Variants in FGF18 observed in about 807,000 individuals in gnomAD.
The protein encoded by FGF18 is fibroblast growth factor 18.
FGF18 carries 5 observed loss-of-function variants against 23.0 expected under a neutral mutation model. The observed-to-expected ratio is 0.22, with a 90% confidence interval of 0.11 to 0.46. The LOEUF is 0.46. Ranked by LOEUF, FGF18 falls within the 20% of genes least tolerant of loss-of-function variation. FGF18 has a pLI of 0.99. For synonymous variants in FGF18, 117 were observed against 118.9 expected, an observed-to-expected ratio of 0.98 and a Z score of 0.10; for missense variants, 180 against 291.6, an observed-to-expected ratio of 0.62 and a Z score of 2.79.
rs1468813776 is a variant in FGF18, at chr5:171,434,420, C to T, written c.70-1673C>T. Among the ~76,000 whole-genome samples, 1 of 152,176 alleles carries T rather than the reference C, an allele frequency of 6.6e-6. No individual in the cohort carries two copies. The highest frequency in any genetic ancestry group is 2.4e-5 in the African/African-American group (1 of 41,438). ...GCAAATGAAGGAAACACATCCCTGC[C>T]CTTGGGAGCTCACAGCTGAGAGGTG... On this transcript the variant is annotated intron_variant, in intron 2 of 4. Coordinates refer to ENST00000274625, the MANE Select transcript of FGF18 (RefSeq NM_003862.3). This position sits in a 1 kb window ranked among gnomAD's most constrained non-coding sequence, Gnocchi z 4.6.
intron 3 of FGF18, among the ~76,000 whole-genome samples, chr5:171,441,649 A>G (rs1037903126): frequency 1.3e-5 from 2 of 152,164 alleles, no homozygotes; most frequent in Admixed American, 6.5e-5. Flanking sequence ...GTTACCCACT[A>G]TCTGTCTCCC....
intron 3 of FGF18, among the ~76,000 whole-genome samples, chr5:171,441,428 C>A (rs1464758153): frequency 6.6e-6 from 1 of 152,208 alleles, no homozygotes; most frequent in Non-Finnish European, 1.5e-5. Flanking sequence ...ACAGCCACAG[C>A]AGCCTTCCGG....
intron 2 of FGF18, among the ~76,000 whole-genome samples, chr5:171,430,157 G>A (rs2113336250): frequency 1.3e-5 from 2 of 152,008 alleles, no homozygotes; most frequent in South Asian, 4.2e-4. Flanking sequence ...AGGAGTTCAA[G>A]ACCAGCCTGG....
chr5:171,449,970 T>C (rs539365171), intron 4 of FGF18, among the ~76,000 whole-genome samples: 1 of 151,994 alleles, frequency 6.6e-6, no homozygotes, highest in East Asian at 1.9e-4. Context: ...TGGCTTCCTC[T>C]GGGTGTTCCA....
At position 171,437,301 on chromosome 5, in the gene FGF18, A is replaced by G. The variant is rs1416342819; in HGVS notation, c.250+1028A>G. Among the ~76,000 whole-genome samples the G allele has an allele frequency of 4.6e-5, 7 of 152,264 alleles. No homozygotes were observed. In the East Asian group the frequency reaches 1.4e-3, roughly 30 times the overall value. ...ATTTCTTGGACCTTTTATCTTGGAC[A>G]CCATTTATTTTCCCTCAGCCCCGGG... On this transcript the variant is annotated intron_variant, in intron 3 of 4. Coordinates refer to ENST00000274625, the MANE Select transcript of FGF18 (RefSeq NM_003862.3).
chr5:171,420,962 G>A (rs149482732), intron 2 of FGF18, among the ~76,000 whole-genome samples: 1 of 152,316 alleles, frequency 6.6e-6, no homozygotes, highest in Non-Finnish European at 1.5e-5. Flanking sequence ...ACGAGGGGAA[G>A]CTCGAGGGCG....
intron 2 of FGF18, among the ~76,000 whole-genome samples, chr5:171,428,191 G>A (rs899916156): frequency 6.6e-6 from 1 of 152,232 alleles, no homozygotes; most frequent in Non-Finnish European, 1.5e-5. Flanking sequence ...AGGCACCATG[G>A]CACCTGGCAC....
intron 4 of FGF18, among the ~76,000 whole-genome samples, chr5:171,452,240 G>A (rs1217985765): frequency 6.6e-6 from 1 of 152,216 alleles, no homozygotes; most frequent in African/African-American, 2.4e-5. Context: ...CTTGCTAAGT[G>A]TTAGTCCCTT....
At chr5:171,452,382 ATC>A (rs1772529412) in intron 4 of FGF18, among the ~76,000 whole-genome samples, 4 of 152,146 alleles carry the variant, frequency 2.6e-5, no homozygotes, top group Non-Finnish European at 5.9e-5. Context: ...AACCCTGCAC[ATC>A]TCTGGCCACA....
rs536632729 is a variant in FGF18, at chr5:171,443,827, G to C, written c.251-5320G>C. ...GATCCTTTGAGCCATTTTTCTTTCT[G>C]CCACTCTCCTTGGCCCCAGCCCTGG... On this transcript the variant is annotated intron_variant, in intron 3 of 4. Coordinates refer to ENST00000274625, the MANE Select transcript of FGF18 (RefSeq NM_003862.3). 1.1e-3 allele frequency among the ~76,000 whole-genome samples: 168 copies of C among 152,194 alleles called. 1 individual carries two copies. Among genetic ancestry groups the C allele is most frequent in the African/African-American group, 3.7e-3 (154 of 41,522 alleles).
At chr5:171,421,716 G>C (rs1772009296) in intron 2 of FGF18, among the ~76,000 whole-genome samples, 1 of 152,180 alleles carries the variant, frequency 6.6e-6, no homozygotes, top group African/African-American at 2.4e-5. Flanking sequence ...ACTGAGCTGG[G>C]GGCATCCATT....
chr5:171,447,247 T>C (rs1416048423), intron 3 of FGF18, among the ~76,000 whole-genome samples: 1 of 152,214 alleles, frequency 6.6e-6, no homozygotes, highest in East Asian at 1.9e-4. Flanking sequence ...CCTTTTCCCC[T>C]CATCAGAAGC....
In FGF18 at chr5:171,440,000, G is replaced by C. The variant is rs559777646; in HGVS notation, c.250+3727G>C. Among the ~76,000 whole-genome samples the C allele has an allele frequency of 7.2e-5, 11 of 152,340 alleles. 1 individual carries two copies. In the South Asian group the frequency reaches 2.3e-3, roughly 32 times the overall value. On this transcript the variant is annotated intron_variant, in intron 3 of 4. Coordinates refer to ENST00000274625, the MANE Select transcript of FGF18 (RefSeq NM_003862.3). ...CTAGAGTGGCCCTGCTAGCCAGGGA[G>C]ATGGTATTTGGAGGATTGAGCTTGT...
chr5:171,423,287 G>A lies in FGF18; in HGVS notation c.69+2844G>A, dbSNP rs773012105. On this transcript the variant is annotated intron_variant, in intron 2 of 4. Coordinates refer to ENST00000274625, the MANE Select transcript of FGF18 (RefSeq NM_003862.3). ...CCTTCTCCACACGACTCAGGACACC[G>A]TAGATAGCTCAAATTGGAAGAATTT... 1.5e-4 allele frequency among the ~76,000 whole-genome samples: 23 copies of A among 152,332 alleles called. 1 individual carries two copies. The highest frequency in any genetic ancestry group is 2.9e-4 in the Non-Finnish European group (20 of 68,030).
chr5:171,451,375 C>T lies in FGF18; in HGVS notation c.357+2122C>T, dbSNP rs1010333074. On this transcript the variant is annotated intron_variant, in intron 4 of 4. Transcript: ENST00000274625. This position sits in a 1 kb window ranked among gnomAD's most constrained non-coding sequence, Gnocchi z 4.5. ...ACCTCTGCCCCGCCCAGCGCCCCCT[C>T]GCTCTCTGGCCCCCGAGGCGGGAAT... is the stretch of plus-strand genomic sequence containing the variant. Among the ~76,000 whole-genome samples, 2 of 152,228 alleles carry T rather than the reference C, an allele frequency of 1.3e-5. No homozygotes were observed. The highest frequency in any genetic ancestry group is 2.4e-5 in the African/African-American group (1 of 41,460).
chr5:171,456,756 C>A lies in FGF18; in HGVS notation c.575C>A (p.Thr192Lys). The A allele has an allele frequency of 6.2e-7, 1 of 1,614,044 alleles. No homozygotes were observed. Among genetic ancestry groups the A allele is most frequent in the Non-Finnish European group, 8.5e-7 (1 of 1,180,020 alleles). The change falls in exon 5 of 5, where the codon ACG becomes AAG. Residue 192 changes from threonine to lysine, a missense_variant. Thr to Lys is a moderately conservative substitution (Grantham distance 78, BLOSUM62 -1). Transcript: ENST00000274625. The surrounding 1 kb of genome is among the most constrained non-coding windows in gnomAD (Gnocchi z 6.1). ...GAGCTTCAGAAGCCCTTCAAGTACA[C>A]GACGGTGACCAAGAGGTCCCGTCGG... Reference protein sequence around the residue: ...QPELQKPFKYTTVTKRSRRIR... With the variant: ...QPELQKPFKYKTVTKRSRRIR...
chr5:171,425,045 C>T (rs1401765780), intron 2 of FGF18, among the ~76,000 whole-genome samples: 1 of 152,206 alleles, frequency 6.6e-6, no homozygotes. Flanking sequence ...CAAGGACGCA[C>T]TGGACCCCCA....
chr5:171,452,411 T>C (rs73327288), intron 4 of FGF18, among the ~76,000 whole-genome samples: 41,946 of 152,082 alleles, frequency 0.28, 6,001 homozygotes, highest in East Asian at 0.46. Flanking sequence ...GTACCTGCAT[T>C]GAGCCCTTGA....
intron 3 of FGF18, among the ~76,000 whole-genome samples, chr5:171,445,770 G>C (rs1772409477): frequency 1.3e-5 from 2 of 152,186 alleles, no homozygotes; most frequent in African/African-American, 4.8e-5. Flanking sequence ...GGCTGGAGGG[G>C]ACGGTGGCCC....
Sources: allele counts gnomAD v4.1 joint callset (sites outside exome capture counted in the v4.1 genomes callset), GRCh38; gene constraint gnomAD v4.1.1; non-coding constraint Gnocchi (gnomAD v3.1); transcripts MANE v1.5; gene names NCBI Gene and HGNC (gene_info 2026-07-23, HGNC 2026-07-21).